Variants in OR9Q1 observed in about 807,000 individuals in gnomAD.
OR9Q1 encodes olfactory receptor family 9 subfamily Q member 1, also known as olfactory receptor 9Q1.
For missense variants in OR9Q1, 374 were observed against 378.8 expected, an observed-to-expected ratio of 0.99 and a Z score of 0.11; for synonymous variants, 153 against 148.6, an observed-to-expected ratio of 1.03 and a Z score of -0.22.
intron 2 of OR9Q1, among the ~76,000 whole-genome samples, chr11:58,086,083 G>A (rs183681166): frequency 1.8e-4 from 28 of 151,950 alleles, no homozygotes; most frequent in Admixed American, 1.3e-3. Context: ...ACAACACACA[G>A]ACTGGGAGAA....
chr11:58,086,841 G>T (rs1013276448), intron 2 of OR9Q1, among the ~76,000 whole-genome samples: 2 of 151,758 alleles, frequency 1.3e-5, no homozygotes, highest in Non-Finnish European at 2.9e-5. Context: ...ATTATCAGAG[G>T]CTGGGAGAAG....
At chr11:58,114,462 A>G (rs930082388) in intron 2 of OR9Q1, among the ~76,000 whole-genome samples, 3 of 152,168 alleles carry the variant, frequency 2.0e-5, no homozygotes, top group East Asian at 1.9e-4. Flanking sequence ...AATGAGTATG[A>G]CAGGGCTTCC....
Position 58,179,580 on chromosome 11 carries a change from A to G in OR9Q1, c.136A>G (p.Ile46Val), listed in dbSNP as rs1295768759. Residue 46 changes from isoleucine to valine, a missense_variant, in exon 3 of 3, where the codon ATT becomes GTT. Physicochemically the swap from Ile to Val is conservative, Grantham distance 29. Transcript: ENST00000335397. ...LITVLGNLEMIILILMDHQLH... is the reference protein window; with the variant it reads ...LITVLGNLEMVILILMDHQLH... ...CACCGTATTGGGGAACTTAGAGATGATTATTCTGATCCTCATGGATCACCA... is the reference window on the plus strand; with the variant it reads ...CACCGTATTGGGGAACTTAGAGATGGTTATTCTGATCCTCATGGATCACCA... 6.2e-7 allele frequency: 1 copy of G among 1,613,826 alleles called. No individual in the cohort carries two copies. Among genetic ancestry groups the G allele is most frequent in the Admixed American group, 1.7e-5 (1 of 59,982 alleles).
At chr11:58,033,204 C>T (rs1410766397) in intron 1 of OR9Q1, among the ~76,000 whole-genome samples, 1 of 152,110 alleles carries the variant, frequency 6.6e-6, no homozygotes, top group Non-Finnish European at 1.5e-5. Context: ...GAAGATTTCT[C>T]AAAGAATGAA....
intron 1 of OR9Q1, among the ~76,000 whole-genome samples, chr11:58,055,018 G>A (rs1243626037): frequency 6.6e-6 from 1 of 152,208 alleles, no homozygotes; most frequent in Non-Finnish European, 1.5e-5. Context: ...ATAAGAACTA[G>A]AGGATGAAGT....
At chr11:58,048,445 G>A (rs1406690696) in intron 1 of OR9Q1, among the ~76,000 whole-genome samples, 2 of 149,504 alleles carry the variant, frequency 1.3e-5, no homozygotes, top group Non-Finnish European at 3.0e-5. Context: ...GAGATCAGGA[G>A]TTTGAGACCA....
intron 2 of OR9Q1, among the ~76,000 whole-genome samples, chr11:58,080,328 T>C (rs7109726): frequency 0.25 from 38,553 of 151,998 alleles, 5,417 homozygotes; most frequent in East Asian, 0.58. Context: ...GATTTTATTC[T>C]TTCTTAGGGC....
chr11:58,024,316 C>T (rs769573557), intron 1 of OR9Q1, among the ~76,000 whole-genome samples: 1 of 152,120 alleles, frequency 6.6e-6, no homozygotes, highest in Non-Finnish European at 1.5e-5. Context: ...TCTCATAACA[C>T]CCACCCACTG....
intron 2 of OR9Q1, among the ~76,000 whole-genome samples, chr11:58,136,932 A>G (rs1236532900): frequency 6.6e-6 from 1 of 152,060 alleles, no homozygotes; most frequent in Non-Finnish European, 1.5e-5. Flanking sequence ...AAGTGTTTTC[A>G]TTTTCTCGCT....
In OR9Q1 at chr11:58,180,326, G is replaced by A. The variant is rs773866039; in HGVS notation, c.882G>A (p.Lys294=). The A allele has an allele frequency of 7.2e-5, 116 of 1,606,402 alleles. No individual in the cohort carries two copies. The highest frequency in any genetic ancestry group is 3.9e-4 in the Admixed American group (23 of 59,228). ...LNPLIYSLRN[K]EVKEALRKIL... ...CCCTCATCTACAGCCTGAGGAACAA[G>A]GAAGTGAAGGAGGCCCTGAGAAAAA... Residue 294 remains lysine (K), a synonymous_variant, in exon 3 of 3, where the codon AAG becomes AAA. Transcript: ENST00000335397.
chr11:58,058,565 G>A (rs1050273212), intron 2 of OR9Q1, among the ~76,000 whole-genome samples: 10 of 152,194 alleles, frequency 6.6e-5, no homozygotes, highest in Non-Finnish European at 1.3e-4. Context: ...GAAGGAGGTG[G>A]AAAAGATCCA....
Position 58,179,892 on chromosome 11 carries a change from G to C in OR9Q1, c.448G>C (p.Val150Leu), listed in dbSNP as rs143790878. ...CTTGAGTCTTGTGGCTGGGGCTTAC[G>C]TTGCTGGTCTCATCAGTGCCTTGGT... ...ARLSLVAGAY[V>L]AGLISALVRT... The change falls in exon 3 of 3, where the codon GTT (valine) becomes CTT (leucine). Residue 150 changes from valine (V) to leucine (L), a missense_variant. Transcript: ENST00000335397. 2 of 1,614,150 alleles carry C rather than the reference G, an allele frequency of 1.2e-6. No homozygotes were observed. Among genetic ancestry groups the C allele is most frequent in the Non-Finnish European group, 1.7e-6 (2 of 1,180,036 alleles).
intron 2 of OR9Q1, chr11:58,171,424 C>G (rs1415167497): frequency 6.6e-6 from 1 of 152,194 alleles, no homozygotes; most frequent in Non-Finnish European, 1.5e-5. Flanking sequence ...TAGTTTTGAT[C>G]CTGTTCTCTG....
Position 58,179,712 on chromosome 11 carries a change from G to A in OR9Q1, c.268G>A (p.Ala90Thr), listed in dbSNP as rs925997482. The A allele has an allele frequency of 6.2e-7, 1 of 1,614,176 alleles. No individual in the cohort carries two copies. Among genetic ancestry groups the A allele is most frequent in the Non-Finnish European group, 8.5e-7 (1 of 1,180,026 alleles). ...QMLAVLLEHG[A>T]ALSYTRCAAQ... The stretch of plus-strand genomic sequence containing the variant: ...GCTGGCAGTGCTGCTGGAGCATGGG[G>A]CAGCTTTATCTTACACACGCTGTGC... Residue 90 changes from alanine (A) to threonine (T), a missense_variant, in exon 3 of 3, where the codon GCA (alanine) becomes ACA (threonine). Transcript: ENST00000335397.
intron 2 of OR9Q1, among the ~76,000 whole-genome samples, chr11:58,124,868 A>C (rs534539354): frequency 2.0e-5 from 3 of 152,264 alleles, no homozygotes; most frequent in Admixed American, 2.0e-4. Flanking sequence ...TGATCACAAT[A>C]CTATGCATTG....
chr11:58,109,751 A>C (rs1250155130), intron 2 of OR9Q1: 1 of 366,548 alleles, frequency 2.7e-6, no homozygotes, highest in East Asian at 7.3e-5. Context: ...TCAGATGTTA[A>C]GTAAATGTCC....
chr11:58,067,125 G>A lies in OR9Q1; in HGVS notation c.-15+11178G>A, dbSNP rs568427265. On this transcript the variant is annotated intron_variant, in intron 2 of 2. Transcript: ENST00000335397. Reference sequence around the variant, plus strand: ...AAGCTCACTGCAAGTTCCATCTCCCGGGTTCACGCCATTCTCCTGCCTCAG... The same window carrying A: ...AAGCTCACTGCAAGTTCCATCTCCCAGGTTCACGCCATTCTCCTGCCTCAG... 1.6e-4 allele frequency among the ~76,000 whole-genome samples: 25 copies of A among 151,962 alleles called. 1 individual carries two copies. In the South Asian group the frequency reaches 5.2e-3, roughly 32 times the overall value.
At chr11:58,164,563 G>A (rs981802370) in intron 2 of OR9Q1, among the ~76,000 whole-genome samples, 7 of 152,160 alleles carry the variant, frequency 4.6e-5, no homozygotes, top group South Asian at 2.1e-4. Context: ...AACTGATCAG[G>A]TTCACCTGGT....
intron 2 of OR9Q1, among the ~76,000 whole-genome samples, chr11:58,153,022 G>A (rs1346166032): frequency 6.6e-6 from 1 of 152,188 alleles, no homozygotes; most frequent in Non-Finnish European, 1.5e-5. Flanking sequence ...CCACCTGGTA[G>A]GCACTTAGTA....
Sources: gnomAD v4.1 joint callset for allele counts (sites outside exome capture counted in the v4.1 genomes callset) on GRCh38, gnomAD v4.1.1 for gene constraint, MANE v1.5 for transcripts, NCBI Gene and HGNC (gene_info 2026-07-23, HGNC 2026-07-21) for gene names.